The following BST1 variants were observed in gnomAD, a reference collection of about 807,000 sequenced individuals.
BST1 encodes bone marrow stromal cell antigen 1, also known as ADP-ribosyl cyclase/cyclic ADP-ribose hydrolase 2.
A neutral mutation model predicts 40.6 loss-of-function variants in BST1; 49 were observed. The observed-to-expected ratio is 1.21, with a 90% confidence interval of 0.96 to 1.53. The LOEUF is 1.53. Among genes scored for constraint, BST1 ranks in the 40% most tolerant of loss-of-function variants. The pLI, the probability that BST1 is intolerant of heterozygous loss-of-function variation, is 0.00. For synonymous variants in BST1, 157 were observed against 159.3 expected (o/e 0.99, Z 0.11); for missense variants, 423 against 395.9 (o/e 1.07, Z -0.58).
At chr4:15,747,981 T>G in the BST1 span, among the ~76,000 whole-genome samples, 1 of 152,212 alleles carries the variant, frequency 6.6e-6, no homozygotes, top group African/African-American at 2.4e-5. Flanking sequence ...CCAGCCAACC[T>G]TATCTCATTT....
downstream of BST1, among the ~76,000 whole-genome samples, chr4:15,734,033 T>C (rs1419211277): frequency 6.6e-6 from 1 of 152,234 alleles, no homozygotes; most frequent in Non-Finnish European, 1.5e-5. Flanking sequence ...TAAAGGTAAC[T>C]ACCTTGATAT....
the BST1 span, among the ~76,000 whole-genome samples, chr4:15,750,177 A>G: frequency 1.3e-5 from 2 of 152,104 alleles, no homozygotes; most frequent in East Asian, 3.9e-4. Context: ...GGTGCCCACC[A>G]CTATGCCCAG....
intron 1 of BST1, chr4:15,705,043 G>A (rs1442769468): frequency 1.4e-6 from 1 of 718,174 alleles, no homozygotes; most frequent in African/African-American, 1.7e-5. Flanking sequence ...GCTTGCACTG[G>A]AGGGTGCACC....
rs190590067 is a variant in BST1, at chr4:15,729,613, T to C, written c.852-2127T>C. 5.6e-3 allele frequency among the ~76,000 whole-genome samples: 851 copies of C among 152,286 alleles called. 21 individuals carry two copies. Among genetic ancestry groups the C allele is most frequent in the Admixed American group, 0.039 (590 of 15,282 alleles). The stretch of plus-strand genomic sequence containing the variant: ...GATTTATAAATTAAATAAAAGGGCA[T>C]GGGAAAATTAGGCTTTTGAGTATAT... On this transcript the variant is annotated intron_variant, in intron 8 of 8. Transcript: ENST00000265016.
the BST1 span, among the ~76,000 whole-genome samples, chr4:15,774,132 C>A: frequency 2.6e-5 from 4 of 152,174 alleles, no homozygotes; most frequent in South Asian, 8.3e-4. Context: ...AGGAGTTCAC[C>A]GGGAAGACCA....
the BST1 span, among the ~76,000 whole-genome samples, chr4:15,748,396 T>G: frequency 6.6e-6 from 1 of 152,144 alleles, no homozygotes; most frequent in African/African-American, 2.4e-5. Flanking sequence ...CAAAGGGAGC[T>G]GCTATCCTTC....
chr4:15,752,450 G>A, the BST1 span, among the ~76,000 whole-genome samples: 1 of 151,340 alleles, frequency 6.6e-6, no homozygotes, highest in Non-Finnish European at 1.5e-5. Flanking sequence ...GTGCAATGGC[G>A]CAATCTCGGC....
At chr4:15,730,997 C>A (rs1013197396) in intron 8 of BST1, 1 of 571,162 alleles carries the variant, frequency 1.8e-6, no homozygotes, top group Admixed American at 2.7e-5. Flanking sequence ...ATGGTGCTCT[C>A]GATATATAAG....
chr4:15,741,956 G>A (rs548450272), downstream of BST1, among the ~76,000 whole-genome samples: 28 of 152,118 alleles, frequency 1.8e-4, no homozygotes, highest in Non-Finnish European at 3.5e-4. Flanking sequence ...ATAACGCCCC[G>A]GTCTCTGTTG....
At chr4:15,738,950 T>G (rs2148900768), downstream of BST1, among the ~76,000 whole-genome samples, 1 of 152,326 alleles carries the variant, frequency 6.6e-6, no homozygotes, top group South Asian at 2.1e-4. Context: ...ATTTCAGTCT[T>G]TCTGAAGTTT....
the BST1 span, among the ~76,000 whole-genome samples, chr4:15,749,638 C>G: frequency 3.3e-4 from 51 of 152,284 alleles, no homozygotes; most frequent in Non-Finnish European, 5.7e-4. Flanking sequence ...AAAGGTAGCA[C>G]AGGTGTCATT....
At chr4:15,725,003 CA>C (rs940984411) in intron 8 of BST1, among the ~76,000 whole-genome samples, 7 of 152,268 alleles carry the variant, frequency 4.6e-5, no homozygotes, top group African/African-American at 1.2e-4. Flanking sequence ...GGCAGAGTAA[CA>C]CAGCAAAAGG....
the BST1 span, among the ~76,000 whole-genome samples, chr4:15,751,653 C>G: frequency 4.1e-4 from 62 of 151,510 alleles, no homozygotes; most frequent in African/African-American, 1.5e-3. Flanking sequence ...ATATGTATAT[C>G]TATAGATCTA....
the BST1 span, among the ~76,000 whole-genome samples, chr4:15,753,431 A>G: frequency 1.3e-5 from 2 of 152,210 alleles, no homozygotes; most frequent in African/African-American, 4.8e-5. Flanking sequence ...TCCTGTGTAT[A>G]CATGTAGAAA....
intron 7 of BST1, among the ~76,000 whole-genome samples, chr4:15,721,005 G>A (rs1304841580): frequency 6.6e-6 from 1 of 152,150 alleles, no homozygotes; most frequent in Non-Finnish European, 1.5e-5. Context: ...CTGGGCTTAT[G>A]TGCTTCCTCT....
At chr4:15,765,799 T>TC in the BST1 span, among the ~76,000 whole-genome samples, 1 of 151,920 alleles carries the variant, frequency 6.6e-6, no homozygotes. Flanking sequence ...ATTGCAACCT[T>TC]CCCCCAAGTC....
At chr4:15,752,053 AAG>A in the BST1 span, among the ~76,000 whole-genome samples, 24 of 152,320 alleles carry the variant, frequency 1.6e-4, no homozygotes, top group African/African-American at 5.5e-4. Context: ...AAACTTTGAC[AAG>A]AGAGGTGTAT....
rs569124225 is a variant in BST1, at chr4:15,711,660, T to C, written c.452-147T>C. ...CTCACCAGGCTCCTTGTGGATTGAGTGGGAAGAACTGTGGATGTTAAACTT... is the reference window on the plus strand; with the variant it reads ...CTCACCAGGCTCCTTGTGGATTGAGCGGGAAGAACTGTGGATGTTAAACTT... On this transcript the variant is annotated intron_variant, in intron 3 of 8. Coordinates refer to ENST00000265016, the MANE Select transcript of BST1 (RefSeq NM_004334.3). 7.3e-5 allele frequency: 46 copies of C among 633,616 alleles called. No individual in the cohort carries two copies. The Admixed American group carries it at 1.1e-3, about 15-fold the overall frequency. The allele number at this position is 633,616 out of a possible 1,614,324, so 39.2% of individuals were successfully genotyped here.
the BST1 span, among the ~76,000 whole-genome samples, chr4:15,761,816 G>A: frequency 6.6e-6 from 1 of 151,968 alleles, no homozygotes; most frequent in Non-Finnish European, 1.5e-5. Flanking sequence ...CTCAACACAG[G>A]TTTTGAGTGT....
Sources: allele counts gnomAD v4.1 joint callset (sites outside exome capture counted in the v4.1 genomes callset), GRCh38; gene constraint gnomAD v4.1.1; transcripts MANE v1.5; gene names NCBI Gene and HGNC (gene_info 2026-07-23, HGNC 2026-07-21).